Variants in SUPT3H observed in about 807,000 individuals in gnomAD.
SUPT3H encodes SPT3 homolog, SAGA and STAGA complex component.
Under a neutral mutation model 44.3 loss-of-function variants are expected in SUPT3H, and 44 were observed. The ratio of observed to expected loss-of-function variants is 0.99; its 90% CI spans 0.78 to 1.28. The LOEUF (loss-of-function observed/expected upper bound fraction) is 1.28, where lower values mean the gene tolerates loss of function less well. SUPT3H is among the 50% of genes most tolerant of loss of function. The pLI is 0.00. For synonymous variants in SUPT3H, 124 were observed against 125.6 expected (o/e 0.99, Z 0.09); for missense variants, 380 against 387.1 (o/e 0.98, Z 0.15).
rs1209876361 is a variant in SUPT3H at position 45,083,447 on chromosome 6, C to T, written c.186+22475G>A. On this transcript the variant is annotated intron_variant, in intron 3 of 10. Coordinates refer to ENST00000371459, the MANE Select transcript of SUPT3H (RefSeq NM_003599.4). ...CCTCATAATCCACCCGCCTCAGCCT[C>T]CCAAACTGCTGGGATTGCAGGCATG... Among the ~76,000 whole-genome samples the T allele has an allele frequency of 2.0e-5, 3 of 152,080 alleles. No individual in the cohort carries two copies. The East Asian group carries it at 5.8e-4, about 29-fold the overall frequency.
At chr6:45,330,488 T>C (rs1382101936) in intron 2 of SUPT3H, among the ~76,000 whole-genome samples, 1 of 151,996 alleles carries the variant, frequency 6.6e-6, no homozygotes, top group African/African-American at 2.4e-5. Context: ...TGTTTAACTA[T>C]TTATTTTAAA....
intron 10 of SUPT3H, among the ~76,000 whole-genome samples, chr6:44,861,244 T>C (rs1186968288): frequency 3.9e-5 from 6 of 151,974 alleles, no homozygotes; most frequent in Non-Finnish European, 7.4e-5. Flanking sequence ...ACCTGGCTAG[T>C]TGTTTTATTT....
chr6:44,937,996 G>A lies in SUPT3H; in HGVS notation c.802-5233C>T, dbSNP rs149082726. Among the ~76,000 whole-genome samples, 318 of 129,038 alleles carry A rather than the reference G, an allele frequency of 2.5e-3. 1 individual carries two copies. Among genetic ancestry groups the A allele is most frequent in the African/African-American group, 9.0e-3 (304 of 33,766 alleles). 84.7% of individuals were successfully genotyped at this position (129,038 alleles called of 152,430 possible). On this transcript the variant is annotated intron_variant, in intron 9 of 10. Coordinates refer to ENST00000371459, the MANE Select transcript of SUPT3H (RefSeq NM_003599.4). Reference sequence around the variant, plus strand: ...GTAATCTCAGCTTACTGCAACCTCCGCCTCCTGGGTTCAGGCAATTCTCCT... The same window carrying A: ...GTAATCTCAGCTTACTGCAACCTCCACCTCCTGGGTTCAGGCAATTCTCCT...
At chr6:45,172,318 C>T (rs960559576) in intron 2 of SUPT3H, among the ~76,000 whole-genome samples, 3 of 147,508 alleles carry the variant, frequency 2.0e-5, no homozygotes, top group Admixed American at 6.8e-5. Flanking sequence ...TGATCCGCCC[C>T]CCTCGGCCTC....
At chr6:45,265,627 A>G (rs1384852801) in intron 2 of SUPT3H, among the ~76,000 whole-genome samples, 1 of 152,134 alleles carries the variant, frequency 6.6e-6, no homozygotes, top group Non-Finnish European at 1.5e-5. Flanking sequence ...CCTTAAATAT[A>G]TAAGGCACAC....
chr6:44,946,281 C>T (rs1042436681), intron 9 of SUPT3H, among the ~76,000 whole-genome samples: 3 of 152,156 alleles, frequency 2.0e-5, no homozygotes, highest in African/African-American at 7.2e-5. Context: ...CTAACAAAAT[C>T]CATTCTGCAG....
At chr6:44,879,835 G>A (rs921149121) in intron 10 of SUPT3H, among the ~76,000 whole-genome samples, 2 of 152,182 alleles carry the variant, frequency 1.3e-5, no homozygotes, top group African/African-American at 4.8e-5. Flanking sequence ...CAGCAGAGGG[G>A]CCTGACTGTT....
At chr6:45,135,382 G>A (rs1312052041) in intron 2 of SUPT3H, among the ~76,000 whole-genome samples, 4 of 152,062 alleles carry the variant, frequency 2.6e-5, no homozygotes, top group African/African-American at 9.7e-5. Flanking sequence ...TGGCCTGGCT[G>A]CAAATTTTCC....
At chr6:45,286,384 TCAAA>T (rs1385441203) in intron 2 of SUPT3H, among the ~76,000 whole-genome samples, 9 of 152,024 alleles carry the variant, frequency 5.9e-5, no homozygotes, top group Admixed American at 3.3e-4. Context: ...TACAATGAAC[TCAAA>T]CAAATTTACA....
intron 2 of SUPT3H, among the ~76,000 whole-genome samples, chr6:45,262,701 A>T (rs1197378449): frequency 1.3e-5 from 2 of 152,168 alleles, no homozygotes; most frequent in Admixed American, 1.3e-4. Context: ...TTATCTGTAG[A>T]GCAAACAATG....
intron 2 of SUPT3H, among the ~76,000 whole-genome samples, chr6:45,178,015 C>T (rs977138576): frequency 9.2e-5 from 14 of 152,176 alleles, no homozygotes; most frequent in South Asian, 8.3e-4. Flanking sequence ...CATCAACTAA[C>T]GAGCAAAATA....
At chr6:44,832,101 T>C in intron 10 of SUPT3H, among the ~76,000 whole-genome samples, 1 of 152,132 alleles carries the variant, frequency 6.6e-6, no homozygotes, top group Non-Finnish European at 1.5e-5. Context: ...TTTTTCCTTT[T>C]GATGTACAAA....
chr6:44,960,271 G>C (rs1042911453), intron 7 of SUPT3H, among the ~76,000 whole-genome samples: 2 of 151,644 alleles, frequency 1.3e-5, no homozygotes, highest in Non-Finnish European at 2.9e-5. Flanking sequence ...GCTGGGTGTG[G>C]TGGTGCACGC....
intron 10 of SUPT3H, among the ~76,000 whole-genome samples, chr6:44,902,386 T>C (rs1018966682): frequency 6.6e-6 from 1 of 152,160 alleles, no homozygotes; most frequent in African/African-American, 2.4e-5. Flanking sequence ...GCAATCCTAG[T>C]CTCTGATAAA....
At chr6:44,926,580 AATT>A (rs1481915172) in intron 10 of SUPT3H, among the ~76,000 whole-genome samples, 2 of 152,178 alleles carry the variant, frequency 1.3e-5, no homozygotes, top group Non-Finnish European at 2.9e-5. Flanking sequence ...AAGAAATACA[AATT>A]ATTAGTAAAT....
chr6:45,011,525 C>T (rs1350530544), intron 5 of SUPT3H, among the ~76,000 whole-genome samples: 3 of 152,050 alleles, frequency 2.0e-5, no homozygotes, highest in African/African-American at 7.2e-5. Flanking sequence ...TACCCCAGTA[C>T]AGCATTATTA....
chr6:45,142,011 A>G (rs562993044), intron 2 of SUPT3H, among the ~76,000 whole-genome samples: 1 of 152,348 alleles, frequency 6.6e-6, no homozygotes, highest in African/African-American at 2.4e-5. Flanking sequence ...CAGGTAACCT[A>G]TAAGGGAAAT....
chr6:44,966,887 A>G (rs771804232), intron 6 of SUPT3H, among the ~76,000 whole-genome samples: 2 of 152,196 alleles, frequency 1.3e-5, no homozygotes, highest in Admixed American at 6.5e-5. Context: ...ACATTCTCAA[A>G]TTACACAATG....
Position 45,124,188 on chromosome 6 carries a change from T to C in SUPT3H, c.102-18182A>G, listed in dbSNP as rs529252057. Among the ~76,000 whole-genome samples, 28 of 152,240 alleles carry C rather than the reference T, an allele frequency of 1.8e-4. 1 individual carries two copies. The South Asian group carries it at 3.5e-3, about 19-fold the overall frequency. On this transcript the variant is annotated intron_variant, in intron 2 of 10. Transcript: ENST00000371459. ...AGAAGTATTTGAGTAAGAGCTTGAG[T>C]TAATGTAAGGATGATGATAACTCAT...
Sources: allele counts gnomAD v4.1 joint callset (sites outside exome capture counted in the v4.1 genomes callset), GRCh38; gene constraint gnomAD v4.1.1; transcripts MANE v1.5; gene names NCBI Gene and HGNC (gene_info 2026-07-23, HGNC 2026-07-21).